Variants in SGK1 observed in about 807,000 individuals in gnomAD.
The protein encoded by SGK1 is serum/glucocorticoid regulated kinase 1.
A neutral mutation model predicts 64.2 loss-of-function variants in SGK1; 26 were observed. The observed-to-expected ratio is 0.40, with a 90% confidence interval of 0.30 to 0.56. The LOEUF is 0.56. Among genes scored for constraint, SGK1 ranks in the 20% least tolerant of loss-of-function variants. The probability of loss-of-function intolerance (pLI) is 0.38; values close to 1 mark genes in which losing one functional copy is unlikely to be tolerated. For synonymous variants in SGK1, 265 were observed against 239.7 expected (o/e 1.11, Z -0.98); for missense variants, 519 against 645.6 (o/e 0.80, Z 2.12).
In SGK1 at chr6:134,291,232, G is replaced by A. The variant is rs144092988; in HGVS notation, c.69+26160C>T. On this transcript the variant is annotated intron_variant, in intron 1 of 13. Transcript: ENST00000367858. ...AGGAGTCCAGAGGAGAATCAATCAG[G>A]CCTCCTTACTGTAGCAGAGCGGTGG... 3.6e-3 allele frequency among the ~76,000 whole-genome samples: 545 copies of A among 152,220 alleles called. 4 individuals are homozygous for A. Among genetic ancestry groups the A allele is most frequent in the African/African-American group, 0.012 (515 of 41,532 alleles).
intron 1 of SGK1, among the ~76,000 whole-genome samples, chr6:134,312,795 TG>T (rs1390645850): frequency 6.6e-6 from 1 of 152,058 alleles, no homozygotes; most frequent in Non-Finnish European, 1.5e-5. Context: ...TTCCTTGAGA[TG>T]GAGTCTCACT....
chr6:134,273,042 A>C (rs1183211630), intron 1 of SGK1, among the ~76,000 whole-genome samples: 1 of 148,198 alleles, frequency 6.7e-6, no homozygotes, highest in Non-Finnish European at 1.5e-5. Flanking sequence ...GCGGTTTATC[A>C]CAGCAGGTCT....
intron 11 of SGK1, 127 bp from the exon 12 acceptor site, chr6:134,171,305 T>C: frequency 3.4e-6 from 3 of 885,418 alleles, no homozygotes; most frequent in South Asian, 1.6e-5. Context: ...CCCACCTCAA[T>C]GCTTTCTTTT....
At chr6:134,175,586 C>T (rs868648766) in intron 3 of SGK1, 2 of 1,569,444 alleles carry the variant, frequency 1.3e-6, no homozygotes, top group South Asian at 1.2e-5. Context: ...TTCTGCGCCT[C>T]GGCCCTCTTT....
intron 1 of SGK1, among the ~76,000 whole-genome samples, chr6:134,309,096 G>A (rs115710034): frequency 8.9e-4 from 135 of 152,264 alleles, no homozygotes; most frequent in African/African-American, 3.0e-3. Flanking sequence ...TCCGAAAAAC[G>A]TCACAGCAGG....
chr6:134,241,369 T>C (rs1776444524), intron 2 of SGK1, among the ~76,000 whole-genome samples: 1 of 151,876 alleles, frequency 6.6e-6, no homozygotes, highest in African/African-American at 2.4e-5. Flanking sequence ...TTTTTTTCTT[T>C]TTAGAGATGG....
At chr6:134,170,983 C>A in intron 12 of SGK1, 40 bp downstream of exon 12, 1 of 1,612,552 alleles carries the variant, frequency 6.2e-7, no homozygotes, top group Non-Finnish European at 8.5e-7. Flanking sequence ...GTCTAGTGCA[C>A]GTCCCGGCCG....
intron 2 of SGK1, among the ~76,000 whole-genome samples, chr6:134,232,473 A>AAAG (rs1776303557): frequency 1.0e-5 from 1 of 96,106 alleles, no homozygotes; most frequent in Non-Finnish European, 2.0e-5. Flanking sequence ...GAAAGAAAGA[A>AAAG]AGAAAGAAAG....
rs1777385583 is a variant in SGK1 at position 134,297,882 on chromosome 6, A to G, written c.69+19510T>C. 5 of 801,208 alleles carry G rather than the reference A, an allele frequency of 6.2e-6. 1 individual carries two copies. The South Asian group carries it at 6.7e-5, about 11-fold the overall frequency. The allele number at this position is 801,208 out of a possible 1,614,324, so 49.6% of individuals were successfully genotyped here. ...CAGCTCCTCATATTTGATCTGGTAC[A>G]TGCTCTCAGCCTCACTCCGGCTGCG... On this transcript the variant is annotated intron_variant, in intron 1 of 13. Coordinates refer to ENST00000367858, the MANE Select transcript of SGK1 (RefSeq NM_001143676.3).
At chr6:134,173,833 A>T (rs572114671) in intron 5 of SGK1, 172 bp downstream of exon 5, 1 of 605,252 alleles carries the variant, frequency 1.7e-6, no homozygotes, top group African/African-American at 1.9e-5. Context: ...GGAAAAAAAT[A>T]AAATAATACT....
intron 1 of SGK1, among the ~76,000 whole-genome samples, chr6:134,266,134 G>A (rs893613764): frequency 1.1e-4 from 17 of 151,656 alleles, no homozygotes; most frequent in Admixed American, 9.9e-4. Context: ...CAGGCACCGT[G>A]CCCCCACGCC....
intron 1 of SGK1, among the ~76,000 whole-genome samples, chr6:134,283,921 T>G (rs1176310386): frequency 7.1e-6 from 1 of 139,968 alleles, no homozygotes; most frequent in African/African-American, 2.6e-5. Context: ...GACCAATCTT[T>G]CACTCTTTTA....
At chr6:134,213,812 A>T (rs940529939) in intron 2 of SGK1, among the ~76,000 whole-genome samples, 20 of 152,052 alleles carry the variant, frequency 1.3e-4, no homozygotes, top group Non-Finnish European at 2.4e-4. Flanking sequence ...CTCCAATAGG[A>T]TATATGCCAT....
At chr6:134,254,869 T>A (rs182383872) in intron 2 of SGK1, among the ~76,000 whole-genome samples, 2 of 150,090 alleles carry the variant, frequency 1.3e-5, no homozygotes, top group South Asian at 2.1e-4. Context: ...ACAAATCTCA[T>A]TTTTTTTTTC....
intron 3 of SGK1, among the ~76,000 whole-genome samples, chr6:134,177,210 C>G (rs1582690637): frequency 6.7e-6 from 1 of 149,984 alleles, no homozygotes; most frequent in African/African-American, 2.5e-5. Context: ...GAGACTCCGT[C>G]TCAAAACAAA....
intron 1 of SGK1, among the ~76,000 whole-genome samples, chr6:134,279,919 G>A (rs1411939426): frequency 6.6e-6 from 1 of 152,124 alleles, no homozygotes; most frequent in Non-Finnish European, 1.5e-5. Flanking sequence ...TGGGTGTGGT[G>A]GCTTATGCCT....
At chr6:134,194,350 A>G (rs1235130742) in intron 3 of SGK1, among the ~76,000 whole-genome samples, 1 of 152,076 alleles carries the variant, frequency 6.6e-6, no homozygotes, top group East Asian at 1.9e-4. Context: ...TGGAGCTTTA[A>G]CCAGTCAAGC....
intron 2 of SGK1, among the ~76,000 whole-genome samples, chr6:134,255,389 T>C (rs1482626296): frequency 6.6e-6 from 1 of 151,722 alleles, no homozygotes. Flanking sequence ...AATTAAAAGG[T>C]AAGAGATTCC....
chr6:134,173,605 C>G (rs528969471), intron 5 of SGK1, 39 bp from the exon 6 acceptor site: 2 of 1,373,278 alleles, frequency 1.5e-6, no homozygotes, highest in Non-Finnish European at 2.0e-6. Flanking sequence ...AATACCATTG[C>G]TTCAAAGGAA....
Sources: allele counts gnomAD v4.1 joint callset (sites outside exome capture counted in the v4.1 genomes callset), GRCh38; gene constraint gnomAD v4.1.1; transcripts MANE v1.5; gene names NCBI Gene and HGNC (gene_info 2026-07-23, HGNC 2026-07-21).